RCAN1: variants seen among roughly 807,000 people sequenced by gnomAD.
RCAN1 encodes calcipressin-1.
A neutral mutation model predicts 22.9 loss-of-function variants in RCAN1; 11 were observed. The ratio of observed to expected loss-of-function variants is 0.48; its 90% confidence interval spans 0.30 to 0.79. RCAN1 has a LOEUF of 0.79. Ranked by LOEUF, RCAN1 falls within the 30% of genes least tolerant of loss-of-function variation. RCAN1 has a pLI of 0.06. For synonymous variants in RCAN1, 136 were observed against 142.3 expected, an observed-to-expected ratio of 0.96 and a Z score of 0.32; for missense variants, 291 against 337.8, an observed-to-expected ratio of 0.86 and a Z score of 1.09.
At chr21:34,560,002 T>C (rs1156553436) in intron 1 of RCAN1, 1 of 152,158 alleles carries the variant, frequency 6.6e-6, no homozygotes, top group Non-Finnish European at 1.5e-5. Flanking sequence ...ACGAGAGCAA[T>C]GGTGAGCTCA....
chr21:34,563,355 G>A (rs1449784433), intron 1 of RCAN1, among the ~76,000 whole-genome samples: 1 of 152,174 alleles, frequency 6.6e-6, no homozygotes, highest in Non-Finnish European at 1.5e-5. Context: ...CCGTAGTCTT[G>A]AGAGTTGGTA....
At chr21:34,525,531 A>G in intron 1 of RCAN1, 1 of 621,602 alleles carries the variant, frequency 1.6e-6, no homozygotes, top group Non-Finnish European at 2.5e-6. Flanking sequence ...ACTGTGACCC[A>G]CTGTTTAGTT....
intron 1 of RCAN1, among the ~76,000 whole-genome samples, chr21:34,555,716 C>G (rs927630955): frequency 6.6e-6 from 1 of 151,944 alleles, no homozygotes; most frequent in Non-Finnish European, 1.5e-5. Context: ...AGAATATCTT[C>G]CATGCTTTTG....
At chr21:34,555,934 G>T (rs767624415) in intron 1 of RCAN1, among the ~76,000 whole-genome samples, 1 of 151,692 alleles carries the variant, frequency 6.6e-6, no homozygotes, top group Non-Finnish European at 1.5e-5. Flanking sequence ...ATGGTGGCGG[G>T]TGCCTGTCGT....
chr21:34,567,057 T>C (rs1179840778), intron 1 of RCAN1, among the ~76,000 whole-genome samples: 1 of 152,204 alleles, frequency 6.6e-6, no homozygotes, highest in East Asian at 1.9e-4. Context: ...AGCTTTAAAC[T>C]AACAAACTTG....
chr21:34,570,969 C>T lies in RCAN1; in HGVS notation c.252+43791G>A, dbSNP rs185488436. Among the ~76,000 whole-genome samples the T allele has an allele frequency of 1.6e-3, 238 of 152,212 alleles. 1 individual carries two copies. The highest frequency in any genetic ancestry group is 3.4e-3 in the Middle Eastern group (1 of 294). ...CATGATGAAGAAGAGTAAAAAGGATCTGTTCTTAGAGGGGAGTTCCTTTAT... is the reference window on the plus strand; with the variant it reads ...CATGATGAAGAAGAGTAAAAAGGATTTGTTCTTAGAGGGGAGTTCCTTTAT... On this transcript the variant is annotated intron_variant, in intron 1 of 3. Coordinates refer to ENST00000313806, the MANE Select transcript of RCAN1 (RefSeq NM_004414.7).
intron 1 of RCAN1, among the ~76,000 whole-genome samples, chr21:34,547,629 G>A (rs986425829): frequency 1.3e-5 from 2 of 152,190 alleles, no homozygotes; most frequent in African/African-American, 4.8e-5. Flanking sequence ...AAGGTGAGGA[G>A]GCCACGAGGG....
intron 1 of RCAN1, among the ~76,000 whole-genome samples, chr21:34,563,808 G>T (rs1196017207): frequency 7.0e-6 from 1 of 142,604 alleles, no homozygotes; most frequent in Non-Finnish European, 1.5e-5. Context: ...GAGAGAGAGA[G>T]AGAGAGAGAG....
At chr21:34,578,868 G>A (rs1198939047) in intron 1 of RCAN1, among the ~76,000 whole-genome samples, 3 of 152,154 alleles carry the variant, frequency 2.0e-5, no homozygotes, top group Non-Finnish European at 4.4e-5. Flanking sequence ...TGGGAAGAGC[G>A]TAGCTGGGTT....
chr21:34,568,991 T>G (rs1466129918), intron 1 of RCAN1, among the ~76,000 whole-genome samples: 2 of 152,198 alleles, frequency 1.3e-5, no homozygotes, highest in African/African-American at 4.8e-5. Flanking sequence ...GTGAAACCTC[T>G]GATAAACCCA....
In RCAN1 at chr21:34,538,438, GA is replaced by G. The variant is rs532037251; in HGVS notation, c.253-14729del. ...TGGCTCTACTGTCCTCTGTAGAGGT[GA>G]AATTATGTGGCACATACTGTGATCA... On this transcript the variant is annotated intron_variant, in intron 1 of 3. Coordinates refer to ENST00000313806, the MANE Select transcript of RCAN1 (RefSeq NM_004414.7). Among the ~76,000 whole-genome samples the G allele has an allele frequency of 2.5e-3, 373 of 152,126 alleles. 2 individuals carry two copies. Among genetic ancestry groups the G allele is most frequent in the African/African-American group, 8.7e-3 (362 of 41,448 alleles).
intron 1 of RCAN1, among the ~76,000 whole-genome samples, chr21:34,576,441 T>G (rs1987413149): frequency 6.6e-6 from 1 of 152,160 alleles, no homozygotes; most frequent in South Asian, 2.1e-4. Context: ...ACTGTCCAAC[T>G]CGGACACAAA....
intron 1 of RCAN1, chr21:34,524,953 T>C (rs1445348330): frequency 1.8e-5 from 25 of 1,421,068 alleles, no homozygotes; most frequent in Non-Finnish European, 2.3e-5. Context: ...CCGGGTTTTG[T>C]GAATCTTTTT....
Position 34,563,237 on chromosome 21 carries a change from CA to C in RCAN1, c.253-39528del, listed in dbSNP as rs1013479069. 6.7e-4 allele frequency among the ~76,000 whole-genome samples: 102 copies of C among 152,204 alleles called. 1 individual carries two copies. Among genetic ancestry groups the C allele is most frequent in the African/African-American group, 2.3e-3 (97 of 41,534 alleles). ...AAAACTCAACTTGGGGCCAATCTGA[CA>C]GAATATTTTTGAGTTAAAATTTAGG... On this transcript the variant is annotated intron_variant, in intron 1 of 3. Coordinates refer to ENST00000313806, the MANE Select transcript of RCAN1 (RefSeq NM_004414.7).
intron 1 of RCAN1, among the ~76,000 whole-genome samples, chr21:34,549,890 A>G (rs887328295): frequency 1.3e-4 from 20 of 152,244 alleles, no homozygotes; most frequent in African/African-American, 4.1e-4. Context: ...TGCCACCCAG[A>G]CAGACTCCAG....
intron 1 of RCAN1, among the ~76,000 whole-genome samples, chr21:34,528,568 T>G (rs1985201886): frequency 6.6e-6 from 1 of 152,240 alleles, no homozygotes; most frequent in Non-Finnish European, 1.5e-5. Context: ...AGCCTTTGTC[T>G]GTCCAGCAGG....
At chr21:34,527,175 C>A (rs2123593989) in intron 1 of RCAN1, among the ~76,000 whole-genome samples, 1 of 152,258 alleles carries the variant, frequency 6.6e-6, no homozygotes, top group African/African-American at 2.4e-5. Flanking sequence ...TGGGACGACC[C>A]TTCTTAAGAT....
intron 1 of RCAN1, among the ~76,000 whole-genome samples, chr21:34,530,806 G>A (rs1280441546): frequency 6.6e-6 from 1 of 151,902 alleles, no homozygotes; most frequent in East Asian, 1.9e-4. Context: ...TGTATTTTTA[G>A]TAGAGATGGG....
chr21:34,533,538 C>T (rs1414087122), intron 1 of RCAN1, among the ~76,000 whole-genome samples: 2 of 152,172 alleles, frequency 1.3e-5, no homozygotes, highest in Non-Finnish European at 2.9e-5. Flanking sequence ...ATTCACGCAT[C>T]CCTCCATTTA....
Sources: gnomAD v4.1 joint callset for allele counts (sites outside exome capture counted in the v4.1 genomes callset) on GRCh38, gnomAD v4.1.1 for gene constraint, MANE v1.5 for transcripts, NCBI Gene and HGNC (gene_info 2026-07-23, HGNC 2026-07-21) for gene names.